AKAP11: variants seen among roughly 807,000 people sequenced by gnomAD.
AKAP11 encodes A-kinase anchor protein 11.
A neutral mutation model predicts 146.1 loss-of-function variants in AKAP11; 36 were observed. The ratio of observed to expected loss-of-function variants is 0.25; its 90% CI spans 0.19 to 0.33. The LOEUF is 0.33. Among genes scored for constraint, AKAP11 ranks in the 10% least tolerant of loss-of-function variants. The probability of loss-of-function intolerance (pLI) is 1.00; values close to 1 mark genes in which losing one functional copy is unlikely to be tolerated. For missense variants in AKAP11, 2,201 were observed against 2,197.0 expected (o/e 1.00, Z -0.04); for synonymous variants, 780 against 786.5 (o/e 0.99, Z 0.14).
At chr13:42,292,650 AG>A in intron 4 of AKAP11, 149 bp downstream of exon 4, 1 of 443,070 alleles carries the variant, frequency 2.3e-6, no homozygotes, top group South Asian at 7.0e-5. Context: ...TGGGCGGGAG[AG>A]GGGAAAAAAA....
chr13:42,305,586 A>G (rs1960211479), intron 8 of AKAP11, among the ~76,000 whole-genome samples: 2 of 152,298 alleles, frequency 1.3e-5, no homozygotes, highest in South Asian at 4.1e-4. Flanking sequence ...TGAAATTCAA[A>G]TTTCAGTATT....
intron 1 of AKAP11, among the ~76,000 whole-genome samples, chr13:42,278,489 A>G (rs1388755732): frequency 6.6e-6 from 1 of 152,184 alleles, no homozygotes; most frequent in Non-Finnish European, 1.5e-5. Flanking sequence ...AGGGTTTACA[A>G]GATAACTTAT....
chr13:42,311,765 T>C (rs1027820082), intron 9 of AKAP11, among the ~76,000 whole-genome samples: 1 of 152,174 alleles, frequency 6.6e-6, no homozygotes, highest in African/African-American at 2.4e-5. Flanking sequence ...CTCACAGCTG[T>C]CTGTCCATTC....
chr13:42,315,875 T>C (rs1179183182), intron 11 of AKAP11, among the ~76,000 whole-genome samples: 1 of 152,228 alleles, frequency 6.6e-6, no homozygotes, highest in Non-Finnish European at 1.5e-5. Context: ...AAAATAATTT[T>C]GTAGTTGCAG....
chr13:42,301,079 C>G lies in AKAP11; in HGVS notation c.2333C>G (p.Thr778Ser). 1 of 1,614,098 alleles carries G rather than the reference C, an allele frequency of 6.2e-7. No homozygotes were observed. Among genetic ancestry groups the G allele is most frequent in the Non-Finnish European group, 8.5e-7 (1 of 1,179,978 alleles). ...TTGTTTTGTACTTCTGGAATTGTTACTTCTATACCGGTGCCCTTGGCAGGA... is the reference window on the plus strand; with the variant it reads ...TTGTTTTGTACTTCTGGAATTGTTAGTTCTATACCGGTGCCCTTGGCAGGA... ...QALFCTSGIV[T>S]SIPVPLAGSA... Residue 778 changes from threonine to serine, a missense_variant, in exon 8 of 13, where the codon ACT (threonine) becomes AGT (serine). This residue lies in a region of AKAP11 where 1,867 missense variants were observed against 1,833.5 expected (regional missense o/e 1.02). Transcript: ENST00000025301.
rs1045458780 is a variant in AKAP11 at position 42,319,354 on chromosome 13, T to C, written c.*126T>C. ...AAGTCAGTTGGGAGGCAAGTAAATA[T>C]AGCTTTCTGAGCGCTTTGTGTTATC... On this transcript the variant is annotated 3_prime_UTR_variant, in exon 13 of 13. Transcript: ENST00000025301. The C allele has an allele frequency of 8.7e-6, 11 of 1,264,632 alleles. No individual in the cohort carries two copies. The highest frequency in any genetic ancestry group is 2.6e-4 in the Middle Eastern group (1 of 3,862). The allele number at this position is 1,264,632 out of a possible 1,614,324, so 78.3% of individuals were successfully genotyped here.
intron 8 of AKAP11, among the ~76,000 whole-genome samples, chr13:42,305,224 G>A (rs1487563734): frequency 6.6e-6 from 1 of 152,232 alleles, no homozygotes; most frequent in Non-Finnish European, 1.5e-5. Flanking sequence ...TGAGTCACAT[G>A]ATATTCCAGA....
chr13:42,302,598 G>A lies in AKAP11; in HGVS notation c.3852G>A (p.Lys1284=). 6.2e-7 allele frequency: 1 copy of A among 1,614,122 alleles called. No homozygotes were observed. The highest frequency in any genetic ancestry group is 1.1e-5 in the South Asian group (1 of 91,078). The stretch of plus-strand genomic sequence containing the variant: ...AAGTCCGAAATTGTATGCTTTTCAA[G>A]CAAAAGAAGAACAGTTGTTATGCTG... ...IAKVRNCMLF[K]QKKNSCYADG... Residue 1284 remains lysine, a synonymous_variant, in exon 8 of 13, where the codon AAG becomes AAA. Coordinates refer to ENST00000025301, the MANE Select transcript of AKAP11 (RefSeq NM_016248.4).
At chr13:42,273,707 C>A (rs548804095) in intron 1 of AKAP11, among the ~76,000 whole-genome samples, 48 of 152,328 alleles carry the variant, frequency 3.2e-4, no homozygotes, top group South Asian at 2.7e-3. Flanking sequence ...CTAGCCTTCT[C>A]TAGCCCCCTG....
chr13:42,298,869 G>A, intron 7 of AKAP11, 72 bp downstream of exon 7: 2 of 1,436,938 alleles, frequency 1.4e-6, no homozygotes, highest in African/African-American at 1.5e-5. Flanking sequence ...TTTAAGGCAG[G>A]CTTGTTCAGT....
Position 42,301,211 on chromosome 13 carries a change from C to T in AKAP11, c.2465C>T (p.Ala822Val), listed in dbSNP as rs762946046. 4.3e-6 allele frequency: 7 copies of T among 1,613,898 alleles called. No individual in the cohort carries two copies. The highest frequency in any genetic ancestry group is 5.1e-6 in the Non-Finnish European group (6 of 1,179,930). Residue 822 changes from alanine (A) to valine (V), a missense_variant, in exon 8 of 13, where the codon GCC becomes GTC. Ala to Val is a moderately conservative substitution (Grantham distance 64, BLOSUM62 0). Transcript: ENST00000025301. ...SNGDSAQVHIATKNREEKAAC... is the reference protein window; with the variant it reads ...SNGDSAQVHIVTKNREEKAAC... ...GGTGATTCTGCCCAAGTGCATATTG[C>T]CACAAAAAACAGAGAAGAAAAAGCA...
In AKAP11 at chr13:42,302,011, CAG is replaced by C; in HGVS notation, c.3267_3268del (p.Lys1090SerfsTer9). ...AGATGGTTTGCATGTGGAAGATAAA[CAG>C]AAAGTCAGAGACAGAAATGTAATAC... ...CVDGLHVEDKQKVRDRNVIPD... is the reference protein window; with the variant it reads ...CVDGLHVEDKXKVRDRNVIPD... On this transcript the variant is annotated frameshift_variant, in exon 8 of 13. Coordinates refer to ENST00000025301, the MANE Select transcript of AKAP11 (RefSeq NM_016248.4). LOFTEE classifies it high-confidence loss of function. 3 of 1,613,482 alleles carry C rather than the reference CAG, an allele frequency of 1.9e-6. No homozygotes were observed. Among genetic ancestry groups the C allele is most frequent in the Non-Finnish European group, 2.5e-6 (3 of 1,179,818 alleles).
chr13:42,306,885 T>A (rs1960287647), intron 8 of AKAP11, among the ~76,000 whole-genome samples: 1 of 152,194 alleles, frequency 6.6e-6, no homozygotes. Flanking sequence ...GAGATCTCAC[T>A]ATGTTGCTCA....
At chr13:42,286,275 AGTT>A (rs1227558135) in intron 2 of AKAP11, 22 bp from the exon 3 acceptor site, 1 of 940,296 alleles carries the variant, frequency 1.1e-6, no homozygotes. Context: ...TCAATAAATA[AGTT>A]GTTTTAATAT....
In AKAP11 at chr13:42,313,090, G is replaced by A. The variant is rs200501092; in HGVS notation, c.5317G>A (p.Asp1773Asn). The change falls in exon 10 of 13, where the codon GAT becomes AAT. Residue 1773 changes from aspartate to asparagine, a missense_variant. Physicochemically the swap from Asp to Asn is conservative, Grantham distance 23. Coordinates refer to ENST00000025301, the MANE Select transcript of AKAP11 (RefSeq NM_016248.4). ...SSWSSLGLEG[D>N]LYEDNLSFPT... Reference sequence around the variant, plus strand: ...CTGGAGCAGTCTTGGTTTAGAAGGAGATTTGTATGAGGACAATTTATCCTT... The same window carrying A: ...CTGGAGCAGTCTTGGTTTAGAAGGAAATTTGTATGAGGACAATTTATCCTT... 31 of 1,613,394 alleles carry A rather than the reference G, an allele frequency of 1.9e-5. No individual in the cohort carries two copies. Among genetic ancestry groups the A allele is most frequent in the Non-Finnish European group, 2.3e-5 (27 of 1,179,826 alleles).
intron 8 of AKAP11, among the ~76,000 whole-genome samples, chr13:42,307,636 CAG>C (rs1012452330): frequency 3.3e-5 from 5 of 151,228 alleles, no homozygotes; most frequent in African/African-American, 1.2e-4. Context: ...TGGGAAACAA[CAG>C]AGAGGCTTGT....
chr13:42,284,001 G>C (rs3783189), intron 1 of AKAP11, among the ~76,000 whole-genome samples: 1 of 152,202 alleles, frequency 6.6e-6, no homozygotes, highest in Admixed American at 6.5e-5. Flanking sequence ...CTGTAGAGGA[G>C]TGGTGAAGAG....
chr13:42,318,656 G>GA (rs1409595677), intron 12 of AKAP11, among the ~76,000 whole-genome samples: 1 of 152,146 alleles, frequency 6.6e-6, no homozygotes, highest in Non-Finnish European at 1.5e-5. Context: ...GTGTATTCCA[G>GA]AAAAATGCCA....
intron 8 of AKAP11, 130 bp from the exon 9 acceptor site, chr13:42,308,324 A>T (rs1324014286): frequency 1.4e-6 from 1 of 708,836 alleles, no homozygotes; most frequent in Non-Finnish European, 2.2e-6. Context: ...AAAGGATTAC[A>T]TGAGCCACTG....
Sources: allele counts gnomAD v4.1 joint callset (sites outside exome capture counted in the v4.1 genomes callset), GRCh38; gene constraint gnomAD v4.1.1; regional missense constraint gnomAD v4.1.1; transcripts MANE v1.5; gene names NCBI Gene and HGNC (gene_info 2026-07-23, HGNC 2026-07-21).